Variants in CA5B observed in about 807,000 individuals in gnomAD.
CA5B encodes the protein carbonic anhydrase 5B.
CA5B carries 15 observed loss-of-function variants against 23.1 expected under a neutral mutation model. The observed-to-expected ratio is 0.65, with a 90% CI of 0.43 to 1.00. The LOEUF is 1.00. Among genes scored for constraint, CA5B ranks in the 50% least tolerant of loss-of-function variants. CA5B has a pLI of 0.00. For missense variants in CA5B, 236 were observed against 252.2 expected, an observed-to-expected ratio of 0.94 and a Z score of 0.43; for synonymous variants, 84 against 98.5, an observed-to-expected ratio of 0.85 and a Z score of 0.87.
At chrX:15,773,256 G>T (rs1931854214) in intron 4 of CA5B, among the ~76,000 whole-genome samples, 1 of 110,675 alleles carries the variant, frequency 9.0e-6, no homozygotes, top group African/African-American at 3.3e-5. Flanking sequence ...TTTTATATTT[G>T]TTTCATTTTA....
chrX:15,763,463 G>A (rs1931644647), intron 2 of CA5B, among the ~76,000 whole-genome samples: 1 of 112,395 alleles, frequency 8.9e-6, no homozygotes, highest in Non-Finnish European at 1.9e-5. Flanking sequence ...TGTGATCACA[G>A]CACTGATTGC....
intron 7 of CA5B, among the ~76,000 whole-genome samples, chrX:15,779,993 A>T (rs1931992775): frequency 8.9e-6 from 1 of 111,969 alleles, no homozygotes; most frequent in Non-Finnish European, 1.9e-5. Context: ...TTCTGGTCTA[A>T]CTGTACTGGC....
At chrX:15,743,144 A>G (rs1275435213) in intron 1 of CA5B, among the ~76,000 whole-genome samples, 1 of 112,496 alleles carries the variant, frequency 8.9e-6, no homozygotes, top group East Asian at 2.8e-4. Context: ...TATGCCAGAC[A>G]TACGCCCACT....
intron 3 of CA5B, among the ~76,000 whole-genome samples, chrX:15,771,679 C>T (rs1293910958): frequency 9.2e-6 from 1 of 108,556 alleles, no homozygotes; most frequent in African/African-American, 3.4e-5. Context: ...CTCAGATGAG[C>T]CACCCGCTTC....
intron 1 of CA5B, among the ~76,000 whole-genome samples, chrX:15,745,059 C>T (rs1229380323): frequency 9.3e-6 from 1 of 107,612 alleles, no homozygotes; most frequent in African/African-American, 3.4e-5. Context: ...TTCCCAGCTA[C>T]TCTGGAGGCT....
At chrX:15,743,079 C>T (rs1022721602) in intron 1 of CA5B, among the ~76,000 whole-genome samples, 1 of 112,547 alleles carries the variant, frequency 8.9e-6, no homozygotes, top group Non-Finnish European at 1.9e-5. Flanking sequence ...CTCCTACTGC[C>T]TTCCTCCTGG....
At chrX:15,738,565 C>T (rs1182251423) in intron 1 of CA5B, among the ~76,000 whole-genome samples, 1 of 111,084 alleles carries the variant, frequency 9.0e-6, no homozygotes, top group Admixed American at 9.5e-5. Context: ...CCCCAGCCCT[C>T]TTCCTCCACT....
chrX:15,750,384 A>G, intron 2 of CA5B: 1 of 314,041 alleles, frequency 3.2e-6, no homozygotes, highest in Non-Finnish European at 5.6e-6. Flanking sequence ...TGTGAGAATA[A>G]CTGTTTCTCT....
intron 1 of CA5B, among the ~76,000 whole-genome samples, chrX:15,747,782 C>T (rs904174226): frequency 2.7e-5 from 3 of 111,456 alleles, no homozygotes; most frequent in East Asian, 2.8e-4. Context: ...GTGCTAATGA[C>T]GCGGCTTTGT....
intron 3 of CA5B, 59 bp from the exon 4 acceptor site, chrX:15,772,437 C>T (rs1931837881): frequency 2.5e-6 from 2 of 784,824 alleles, no homozygotes; most frequent in South Asian, 4.7e-5. Context: ...TGGCCTTTCA[C>T]CCACATTCCT....
intron 1 of CA5B, among the ~76,000 whole-genome samples, chrX:15,745,382 TA>T (rs1931210146): frequency 9.1e-6 from 1 of 110,469 alleles, no homozygotes; most frequent in African/African-American, 3.3e-5. Context: ...AGTGAGTACA[TA>T]GTTTATGTTG....
In CA5B at chrX:15,787,705, A is replaced by T. The variant is rs1388903829; in HGVS notation, c.*5041A>T. 1 of 112,269 alleles carries T rather than the reference A, an allele frequency of 8.9e-6. No homozygotes were observed. Among genetic ancestry groups the T allele is most frequent in the Non-Finnish European group, 1.9e-5 (1 of 53,256 alleles). The allele number at this position is 112,269 out of a possible 1,213,427, so 9.3% of individuals were successfully genotyped here. The stretch of plus-strand genomic sequence containing the variant: ...GGTGGCTCATGCCTGTAATCCCAGC[A>T]TTTTGGGAGGCCGAGGCGGGCAGAT... On this transcript the variant is annotated 3_prime_UTR_variant, in exon 8 of 8. Coordinates refer to ENST00000318636, the MANE Select transcript of CA5B (RefSeq NM_007220.4).
intron 3 of CA5B, among the ~76,000 whole-genome samples, chrX:15,770,184 A>G (rs933660153): frequency 9.1e-6 from 1 of 109,827 alleles, no homozygotes; most frequent in African/African-American, 3.3e-5. Flanking sequence ...ATGGTGGCAC[A>G]CGCCTGTAAT....
intron 1 of CA5B, among the ~76,000 whole-genome samples, chrX:15,744,315 A>G (rs1931181332): frequency 8.9e-6 from 1 of 112,607 alleles, no homozygotes; most frequent in Non-Finnish European, 1.9e-5. Context: ...TCTGAATGCC[A>G]TGCTAACAGG....
At chrX:15,742,434 C>T (rs947221827) in intron 1 of CA5B, among the ~76,000 whole-genome samples, 1 of 112,253 alleles carries the variant, frequency 8.9e-6, no homozygotes, top group Non-Finnish European at 1.9e-5. Context: ...AGTGCGGTGG[C>T]GCAATCTCAG....
rs1449849965 is a variant in CA5B, at chrX:15,785,278, T to C, written c.*2614T>C. 1 of 112,176 alleles carries C rather than the reference T, an allele frequency of 8.9e-6. No homozygotes were observed. The highest frequency in any genetic ancestry group is 1.9e-5 in the Non-Finnish European group (1 of 53,257). 9.2% of individuals were successfully genotyped at this position (112,176 alleles called of 1,213,427 possible). On this transcript the variant is annotated 3_prime_UTR_variant, in exon 8 of 8. Coordinates refer to ENST00000318636, the MANE Select transcript of CA5B (RefSeq NM_007220.4). ...GTTCTGGAAGCATCCCAAATGTCCA[T>C]CAACAGATGAATAGATAAAGGAAAT... is the stretch of plus-strand genomic sequence containing the variant.
intron 2 of CA5B, among the ~76,000 whole-genome samples, chrX:15,762,076 G>A (rs778110632): frequency 1.6e-4 from 18 of 110,989 alleles, no homozygotes; most frequent in African/African-American, 5.9e-4. Flanking sequence ...AAGCCCATCC[G>A]GGCCAACACA....
At chrX:15,766,171 A>G (rs1213739431) in intron 3 of CA5B, among the ~76,000 whole-genome samples, 1 of 108,205 alleles carries the variant, frequency 9.2e-6, no homozygotes, top group South Asian at 4.0e-4. Context: ...AAAAAAAAAA[A>G]AAAAAAAGTA....
In CA5B at chrX:15,767,897, C is replaced by CTTTT. The variant is rs59290756; in HGVS notation, c.340+3138_340+3141dup. ...ACAGGTGTGAGCCACTGCACCTGGC[C>CTTTT]TTTTTTTTTTTTTTTTTTTGAGATG... On this transcript the variant is annotated intron_variant, in intron 3 of 7. Transcript: ENST00000318636. Among the ~76,000 whole-genome samples, 24 of 52,256 alleles carry CTTTT rather than the reference C, an allele frequency of 4.6e-4. 2 individuals are homozygous for CTTTT. Among genetic ancestry groups the CTTTT allele is most frequent in the African/African-American group, 1.6e-3 (18 of 11,472 alleles). 45.4% of individuals were successfully genotyped at this position (52,256 alleles called of 115,157 possible).
Sources: gnomAD v4.1 joint callset for allele counts (sites outside exome capture counted in the v4.1 genomes callset) on GRCh38, gnomAD v4.1.1 for gene constraint, MANE v1.5 for transcripts, NCBI Gene and HGNC (gene_info 2026-07-23, HGNC 2026-07-21) for gene names.